METTL9: variants seen among roughly 807,000 people sequenced by gnomAD.
The protein encoded by METTL9 is methyltransferase 9, His-X-His N1(pi)-histidine.
Under a neutral mutation model 36.0 loss-of-function variants are expected in METTL9, and 10 were observed. The ratio of observed to expected loss-of-function variants is 0.28; its 90% CI spans 0.17 to 0.47. The LOEUF is 0.47. Among genes scored for constraint, METTL9 ranks in the 20% least tolerant of loss-of-function variants. The probability of loss-of-function intolerance (pLI) is 0.99; values close to 1 mark genes in which losing one functional copy is unlikely to be tolerated. For missense variants in METTL9, 246 were observed against 383.5 expected (o/e 0.64, Z 3.00); for synonymous variants, 175 against 149.7 (o/e 1.17, Z -1.23).
intron 4 of METTL9, among the ~76,000 whole-genome samples, chr16:21,635,990 T>C (rs1406606187): frequency 1.3e-5 from 2 of 152,096 alleles, no homozygotes; most frequent in Non-Finnish European, 2.9e-5. Context: ...CCACAAAGAC[T>C]GAGAAAAATT....
chr16:21,635,739 G>T (rs1298154587), intron 4 of METTL9, among the ~76,000 whole-genome samples: 2 of 152,112 alleles, frequency 1.3e-5, no homozygotes, highest in Non-Finnish European at 2.9e-5. Context: ...TGAGCCTGTT[G>T]ATGCCTGTTT....
intron 4 of METTL9, among the ~76,000 whole-genome samples, chr16:21,637,357 C>T (rs1330679359): frequency 1.3e-5 from 2 of 152,146 alleles, no homozygotes; most frequent in African/African-American, 4.8e-5. Context: ...AAGTCTGCTA[C>T]CCGGCTAGCT....
chr16:21,609,305 A>G (rs226006), intron 1 of METTL9, among the ~76,000 whole-genome samples: 90,991 of 151,942 alleles, frequency 0.6, 28,006 homozygotes, highest in South Asian at 0.75. Context: ...GTTGATGAAC[A>G]TTTATTGTTT....
intron 3 of METTL9, among the ~76,000 whole-genome samples, chr16:21,624,048 C>T (rs1042702712): frequency 3.3e-5 from 5 of 152,118 alleles, no homozygotes; most frequent in South Asian, 2.1e-4. Flanking sequence ...GGATTACAGG[C>T]GTGAGCCACC....
intron 4 of METTL9, chr16:21,627,719 C>G (rs978723782): frequency 3.9e-5 from 6 of 152,130 alleles, no homozygotes; most frequent in Non-Finnish European, 8.8e-5. Flanking sequence ...GAGGCCAAGG[C>G]AGGCAGATCA....
chr16:21,616,633 T>TTTAGAAATAATAGGACCC (rs1192645719), intron 2 of METTL9, among the ~76,000 whole-genome samples: 5 of 152,188 alleles, frequency 3.3e-5, no homozygotes, highest in Admixed American at 3.3e-4. Context: ...TTCTAGGACC[T>TTTAGAAATAATAGGACCC]TTAGAAATAA....
chr16:21,625,441 G>A lies in METTL9; in HGVS notation c.751+326G>A, dbSNP rs548262646. Among the ~76,000 whole-genome samples the A allele has an allele frequency of 5.3e-5, 8 of 152,206 alleles. No individual in the cohort carries two copies. In the East Asian group the frequency reaches 9.6e-4, roughly 18 times the overall value. ...TATTTATTAGCTTTACAACTGAATC[G>A]AGCAATAAACAGTGCCTTTAAATCT... On this transcript the variant is annotated intron_variant, in intron 4 of 4. Coordinates refer to ENST00000358154, the MANE Select transcript of METTL9 (RefSeq NM_016025.5).
chr16:21,638,705 G>A (rs1489470685), intron 4 of METTL9, among the ~76,000 whole-genome samples: 1 of 152,302 alleles, frequency 6.6e-6, no homozygotes, highest in South Asian at 2.1e-4. Context: ...TAGCCTGTGG[G>A]TGAGTTAGGG....
intron 4 of METTL9, chr16:21,647,459 T>A: frequency 6.2e-7 from 1 of 1,613,964 alleles, no homozygotes; most frequent in Non-Finnish European, 8.5e-7. Context: ...GTACCACGGT[T>A]GTGTGACAGA....
rs141820144 is a variant in METTL9, at chr16:21,633,502, G to A, written c.751+8387G>A. ...CCACGTAAATTGGGATGTGTGGTCT[G>A]TGGGATCCTCAAAGGCAAAGAGAAA... is the stretch of plus-strand genomic sequence containing the variant. On this transcript the variant is annotated intron_variant, in intron 4 of 4. Transcript: ENST00000358154. Among the ~76,000 whole-genome samples, 1,341 of 152,318 alleles carry A rather than the reference G, an allele frequency of 8.8e-3. 45 individuals carry two copies. The highest frequency in any genetic ancestry group is 0.083 in the East Asian group (430 of 5,182).
At chr16:21,649,955 C>T (rs577524777) in intron 4 of METTL9, among the ~76,000 whole-genome samples, 30 of 152,212 alleles carry the variant, frequency 2.0e-4, no homozygotes, top group Admixed American at 1.4e-3. Context: ...GCAATCCACT[C>T]GCCTCAGCCT....
intron 2 of METTL9, among the ~76,000 whole-genome samples, chr16:21,614,363 G>A (rs1456467522): frequency 1.3e-5 from 2 of 152,160 alleles, no homozygotes; most frequent in Non-Finnish European, 1.5e-5. Context: ...AACATTTTGT[G>A]TATGATTTTG....
At chr16:21,650,267 G>T (rs1442653353) in intron 4 of METTL9, among the ~76,000 whole-genome samples, 1 of 152,214 alleles carries the variant, frequency 6.6e-6, no homozygotes, top group Non-Finnish European at 1.5e-5. Context: ...AGCACTTTGG[G>T]ATGCCGAGGC....
intron 4 of METTL9, among the ~76,000 whole-genome samples, chr16:21,632,093 T>A (rs915342872): frequency 4.6e-5 from 7 of 152,190 alleles, no homozygotes; most frequent in Non-Finnish European, 7.3e-5. Context: ...CTTCCCCTTT[T>A]GATGGCTTTG....
intron 4 of METTL9, chr16:21,640,301 T>C (rs1473099020): frequency 2.6e-5 from 4 of 152,090 alleles, no homozygotes. Flanking sequence ...TGTCTAATAA[T>C]GAATGCATAC....
At position 21,656,911 on chromosome 16, in the gene METTL9, T is replaced by C. The variant is rs1966722639; in HGVS notation, c.*1479T>C. ...CAAAATTGTTATTGGTGTGTTCTAATGATTTTTTTCCAGGAATTCAAGTAA... is the reference window on the plus strand; with the variant it reads ...CAAAATTGTTATTGGTGTGTTCTAACGATTTTTTTCCAGGAATTCAAGTAA... On this transcript the variant is annotated 3_prime_UTR_variant, in exon 5 of 5. Transcript: ENST00000358154. 6.6e-6 allele frequency: 1 copy of C among 152,190 alleles called. No homozygotes were observed. Among genetic ancestry groups the C allele is most frequent in the Non-Finnish European group, 1.5e-5 (1 of 68,028 alleles). The allele number at this position is 152,190 out of a possible 1,614,324, so 9.4% of individuals were successfully genotyped here. A position where few individuals can be genotyped will look rare whatever the true frequency, so the allele number is the denominator to read the frequency against.
chr16:21,608,890 C>T lies in METTL9; in HGVS notation c.166-3755C>T, dbSNP rs185522836. On this transcript the variant is annotated intron_variant, in intron 1 of 4. Transcript: ENST00000358154. The stretch of plus-strand genomic sequence containing the variant: ...CCTGCTTTCTTTTCTTTAGCAGACA[C>T]ACTGGGTAGAGTTAAGTGAAGAGAA... Among the ~76,000 whole-genome samples the T allele has an allele frequency of 4.6e-3, 703 of 152,308 alleles. 5 individuals carry two copies. Among genetic ancestry groups the T allele is most frequent in the Middle Eastern group, 0.031 (9 of 294 alleles).
chr16:21,601,071 G>A (rs1432579604), intron 1 of METTL9, among the ~76,000 whole-genome samples: 1 of 152,060 alleles, frequency 6.6e-6, no homozygotes, highest in East Asian at 1.9e-4. Context: ...TGTATATTGG[G>A]CTTTTTTCTA....
chr16:21,597,266 A>G, upstream of METTL9: 1 of 1,289,082 alleles, frequency 7.8e-7, no homozygotes, highest in Non-Finnish European at 1.0e-6. Context: ...ATGGATCGAA[A>G]GACCACGAGC....
Sources: gnomAD v4.1 joint callset for allele counts (sites outside exome capture counted in the v4.1 genomes callset) on GRCh38, gnomAD v4.1.1 for gene constraint, MANE v1.5 for transcripts, NCBI Gene and HGNC (gene_info 2026-07-23, HGNC 2026-07-21) for gene names.